CNOT1: variants seen among roughly 807,000 people sequenced by gnomAD.
The protein encoded by CNOT1 is CCR4-NOT transcription complex subunit 1, also known as CCR4-associated factor 1.
CNOT1 carries 15 observed loss-of-function variants against 273.8 expected under a neutral mutation model. That is an observed-to-expected ratio of 0.05 (90% confidence interval 0.04 to 0.08). The LOEUF is 0.08. Among genes scored for constraint, CNOT1 ranks in the 10% least tolerant of loss-of-function variants. The probability of loss-of-function intolerance (pLI) is 1.00; values close to 1 mark genes in which losing one functional copy is unlikely to be tolerated. For synonymous variants in CNOT1, 1,022 were observed against 1,005.5 expected (o/e 1.02, Z -0.31); for missense variants, 1,644 against 2,912.2 (o/e 0.56, Z 10.02).
chr16:58,600,984 C>T (rs1031998733), intron 1 of CNOT1, among the ~76,000 whole-genome samples: 1 of 152,100 alleles, frequency 6.6e-6, no homozygotes, highest in African/African-American at 2.4e-5. Context: ...GAGACAGTTT[C>T]ACTCTTGTTG....
chr16:58,532,115 T>A, intron 41 of CNOT1, 40 bp from the exon 42 acceptor site: 1 of 1,613,068 alleles, frequency 6.2e-7, no homozygotes, highest in East Asian at 2.2e-5. Flanking sequence ...ACAGTCCAAC[T>A]TAAATACAGT....
At position 58,549,869 on chromosome 16, in the gene CNOT1, T is replaced by G. The variant is rs770017454; in HGVS notation, c.3372A>C (p.Glu1124Asp). The G allele has an allele frequency of 1.9e-6, 3 of 1,613,936 alleles. No homozygotes were observed. In the African/African-American group the frequency reaches 4.0e-5, roughly 22 times the overall value. Residue 1124 changes from glutamate to aspartate, a missense_variant, in exon 25 of 49, where the codon GAA becomes GAC. Coordinates refer to ENST00000317147, the MANE Select transcript of CNOT1 (RefSeq NM_016284.5). ...KVEELKETVK[E>D]EFMPWVSQYL... ...ACTGTGAAACCCAAGGCATAAATTC[T>G]TCTTTCACCGTTTCCTTTAGCTCTT...
chr16:58,564,974 G>A (rs1486263034), intron 16 of CNOT1, among the ~76,000 whole-genome samples: 2 of 152,008 alleles, frequency 1.3e-5, no homozygotes, highest in Non-Finnish European at 2.9e-5. Context: ...AAAAGAAGTG[G>A]CAAGAATATT....
intron 1 of CNOT1, among the ~76,000 whole-genome samples, chr16:58,610,694 T>C (rs1324581361): frequency 6.6e-6 from 1 of 151,814 alleles, no homozygotes; most frequent in East Asian, 1.9e-4. Context: ...TACAAAAAAA[T>C]TACCCAGACG....
chr16:58,599,062 A>C (rs978165440), intron 2 of CNOT1, 174 bp downstream of exon 2: 1 of 781,464 alleles, frequency 1.3e-6, no homozygotes, highest in Non-Finnish European at 1.9e-6. Flanking sequence ...AAAAAAAAAA[A>C]AAAAAAAAGA....
intron 19 of CNOT1, 38 bp downstream of exon 19, chr16:58,556,809 A>G (rs2040647775): frequency 6.2e-7 from 1 of 1,602,696 alleles, no homozygotes; most frequent in African/African-American, 1.3e-5. Context: ...CATTTTTATC[A>G]GTCACACTTC....
At chr16:58,576,962 T>C (rs1371784805) in intron 13 of CNOT1, among the ~76,000 whole-genome samples, 2 of 152,234 alleles carry the variant, frequency 1.3e-5, no homozygotes, top group African/African-American at 4.8e-5. Context: ...CAAAACAATT[T>C]AAGGTAACTA....
At chr16:58,551,479 AT>A (rs1348132407) in intron 23 of CNOT1, 109 bp downstream of exon 23, 1 of 1,319,184 alleles carries the variant, frequency 7.6e-7, no homozygotes, top group African/African-American at 1.5e-5. Flanking sequence ...TCAGTCTTTT[AT>A]ATCTTTTTTA....
intron 3 of CNOT1, among the ~76,000 whole-genome samples, chr16:58,588,319 A>G (rs567660684): frequency 2.0e-5 from 3 of 152,308 alleles, no homozygotes; most frequent in South Asian, 4.1e-4. Context: ...GAACCAGGAA[A>G]TAAAAAAAGA....
rs756647060 is a variant in CNOT1 at position 58,555,364 on chromosome 16, G to A, written c.2778C>T (p.Val926=). 1.5e-5 allele frequency: 25 copies of A among 1,614,086 alleles called. No individual in the cohort carries two copies. Among genetic ancestry groups the A allele is most frequent in the Non-Finnish European group, 1.9e-5 (23 of 1,180,046 alleles). The part of the protein sequence containing the change: ...LFGGIIEKGL[V]TYMALGLALR... ...GAGCCAGACCTAGTGCCATGTAAGT[G>A]ACCAGTCCTTTCTCAATTATACCAC... Residue 926 remains valine, a synonymous_variant, in exon 21 of 49, where the codon GTC becomes GTT. Transcript: ENST00000317147.
intron 1 of CNOT1, among the ~76,000 whole-genome samples, chr16:58,608,553 C>CAAAAAAAAAAAAA (rs11397997): frequency 7.7e-6 from 1 of 129,814 alleles, no homozygotes; most frequent in African/African-American, 2.8e-5. Context: ...GACTCTGTCT[C>CAAAAAAAAAAAAA]AAAAAAAAAA....
chr16:58,586,886 C>G (rs1438237053), intron 6 of CNOT1, 138 bp from the exon 7 acceptor site: 2 of 1,064,906 alleles, frequency 1.9e-6, no homozygotes, highest in Admixed American at 2.5e-5. Context: ...CTCTAGCTGA[C>G]AGGTATAAAG....
intron 19 of CNOT1, 55 bp downstream of exon 19, chr16:58,556,792 A>T (rs1395674544): frequency 3.1e-6 from 5 of 1,591,280 alleles, no homozygotes; most frequent in Non-Finnish European, 4.3e-6. Context: ...TGAGACATAC[A>T]ACTAAACATT....
intron 16 of CNOT1, among the ~76,000 whole-genome samples, chr16:58,570,844 G>A (rs2151957619): frequency 6.6e-6 from 1 of 151,824 alleles, no homozygotes; most frequent in Middle Eastern, 3.4e-3. Context: ...TAAAGTCAAA[G>A]AAACATAGGA....
rs1314713508 is a variant in CNOT1 at position 58,542,443 on chromosome 16, G to T, written c.4560C>A (p.Asp1520Glu). ...TAVEKAGPEM[D>E]KRLATEFELR... ...AAACACTTACAGTTGCTAATCTCTT[G>T]TCCATCTCAGGGCCTGCTTTTTCTA... is the stretch of plus-strand genomic sequence containing the variant. Residue 1520 changes from aspartate (D) to glutamate (E), a missense_variant, in exon 32 of 49, where the codon GAC becomes GAA. Physicochemically the swap from Asp to Glu is conservative, Grantham distance 45. Around this residue, in one of 13 missense-constraint regions of CNOT1, gnomAD observed 133 missense variants for 230.4 expected, o/e 0.58. Transcript: ENST00000317147. 1.9e-6 allele frequency: 3 copies of T among 1,613,968 alleles called. No individual in the cohort carries two copies. Among genetic ancestry groups the T allele is most frequent in the Non-Finnish European group, 2.5e-6 (3 of 1,180,022 alleles).
At chr16:58,576,388 G>GA in intron 14 of CNOT1, 75 bp downstream of exon 14, 1 of 1,594,530 alleles carries the variant, frequency 6.3e-7, no homozygotes, top group East Asian at 2.3e-5. Context: ...TGGGATTACA[G>GA]GCATGAGCCA....
At chr16:58,571,785 C>A (rs556161412) in intron 16 of CNOT1, among the ~76,000 whole-genome samples, 5 of 152,032 alleles carry the variant, frequency 3.3e-5, no homozygotes, top group African/African-American at 1.2e-4. Context: ...TGAGACCAGC[C>A]AGGCCAACAT....
At chr16:58,550,303 T>C (rs994745812) in intron 24 of CNOT1, among the ~76,000 whole-genome samples, 2 of 152,226 alleles carry the variant, frequency 1.3e-5, no homozygotes, top group Non-Finnish European at 2.9e-5. Flanking sequence ...CAAGTACAGT[T>C]AGTTGACCCT....
At chr16:58,579,866 C>G (rs2041594996) in intron 12 of CNOT1, among the ~76,000 whole-genome samples, 1 of 152,076 alleles carries the variant, frequency 6.6e-6, no homozygotes, top group Non-Finnish European at 1.5e-5. Context: ...AAGATTCTAC[C>G]TCGAAAATTT....
Sources: gnomAD v4.1 joint callset for allele counts (sites outside exome capture counted in the v4.1 genomes callset) on GRCh38, gnomAD v4.1.1 for gene constraint, gnomAD v4.1.1 regional missense constraint, MANE v1.5 for transcripts, NCBI Gene and HGNC (gene_info 2026-07-23, HGNC 2026-07-21) for gene names.